Variants in LRMDA observed in about 807,000 individuals in gnomAD.
LRMDA encodes leucine rich melanocyte differentiation associated.
LRMDA carries 18 observed loss-of-function variants against 29.8 expected under a neutral mutation model. The observed-to-expected ratio is 0.60, with a 90% CI of 0.42 to 0.90. The LOEUF is 0.90. Among genes scored for constraint, LRMDA ranks in the 40% least tolerant of loss-of-function variants. The pLI is 0.00. For synonymous variants in LRMDA, 125 were observed against 109.4 expected (o/e 1.14, Z -0.89); for missense variants, 273 against 273.9 (o/e 1.00, Z 0.02).
chr10:76,011,836 G>T (rs1209365314), intron 2 of LRMDA, among the ~76,000 whole-genome samples: 2 of 152,170 alleles, frequency 1.3e-5, no homozygotes, highest in African/African-American at 4.8e-5. Context: ...TTTACTCTGA[G>T]GGGAGATGCA....
chr10:75,755,203 A>G (rs1843017358), intron 2 of LRMDA, among the ~76,000 whole-genome samples: 1 of 152,124 alleles, frequency 6.6e-6, no homozygotes, highest in South Asian at 2.1e-4. Context: ...ACATCACTTT[A>G]TTGTGCTCAT....
At chr10:75,580,321 A>G (rs535176053) in intron 2 of LRMDA, among the ~76,000 whole-genome samples, 4 of 152,322 alleles carry the variant, frequency 2.6e-5, no homozygotes, top group East Asian at 3.9e-4. Context: ...CCCATTCACA[A>G]CTGCTACAAA....
chr10:76,108,786 T>C (rs960531354), intron 5 of LRMDA, among the ~76,000 whole-genome samples: 5 of 152,292 alleles, frequency 3.3e-5, no homozygotes, highest in Middle Eastern at 6.8e-3. Flanking sequence ...AAGAAGACTT[T>C]CCTGACCAGC....
intron 2 of LRMDA, among the ~76,000 whole-genome samples, chr10:75,750,606 G>C (rs368700279): frequency 6.8e-6 from 1 of 147,532 alleles, no homozygotes; most frequent in Admixed American, 6.7e-5. Flanking sequence ...ACGGGATGGC[G>C]GCCGGGCAGA....
intron 2 of LRMDA, among the ~76,000 whole-genome samples, chr10:75,529,733 A>G (rs1219627055): frequency 6.6e-6 from 1 of 152,264 alleles, no homozygotes; most frequent in African/African-American, 2.4e-5. Flanking sequence ...CTGGGAAAAT[A>G]AAAAACGTGT....
At chr10:75,606,890 A>T (rs146091904) in intron 2 of LRMDA, among the ~76,000 whole-genome samples, 6 of 152,342 alleles carry the variant, frequency 3.9e-5, no homozygotes, top group African/African-American at 1.4e-4. Context: ...CTGCTAATGG[A>T]GGGAAAGGAT....
intron 5 of LRMDA, among the ~76,000 whole-genome samples, chr10:76,194,343 T>C (rs1284622861): frequency 2.0e-5 from 3 of 152,178 alleles, no homozygotes; most frequent in Non-Finnish European, 4.4e-5. Context: ...TAACACTTCT[T>C]TCCTGACATC....
At chr10:76,092,382 G>C (rs1367095478) in intron 5 of LRMDA, among the ~76,000 whole-genome samples, 2 of 152,168 alleles carry the variant, frequency 1.3e-5, no homozygotes, top group African/African-American at 4.8e-5. Context: ...CTGTTGGAGA[G>C]CCACCAAATG....
intron 5 of LRMDA, among the ~76,000 whole-genome samples, chr10:76,297,887 T>G (rs1840431301): frequency 1.3e-5 from 2 of 152,208 alleles, no homozygotes; most frequent in African/African-American, 4.8e-5. Flanking sequence ...CTGCAAATGT[T>G]TACTTATCCA....
chr10:76,104,851 C>A (rs1006762508), intron 5 of LRMDA, among the ~76,000 whole-genome samples: 1 of 152,044 alleles, frequency 6.6e-6, no homozygotes, highest in South Asian at 2.1e-4. Flanking sequence ...GTCTCATGTC[C>A]CTGCTGCCTT....
At chr10:76,413,170 C>A (rs1841980793) in intron 6 of LRMDA, among the ~76,000 whole-genome samples, 2 of 152,224 alleles carry the variant, frequency 1.3e-5, no homozygotes, top group African/African-American at 4.8e-5. Flanking sequence ...TCTTTGAGCC[C>A]TTTCTTTCTT....
At chr10:76,434,351 T>C (rs1052580169) in intron 6 of LRMDA, among the ~76,000 whole-genome samples, 12 of 152,006 alleles carry the variant, frequency 7.9e-5, no homozygotes, top group African/African-American at 2.9e-4. Context: ...TTAATTTTCT[T>C]CCTTTCTCTC....
At chr10:76,556,587 T>G (rs1843560691) in intron 6 of LRMDA, 1 of 152,424 alleles carries the variant, frequency 6.6e-6, no homozygotes, top group Admixed American at 6.5e-5. Context: ...TCTCCTGACC[T>G]TGTGATCCAC....
At chr10:76,097,848 A>G (rs1215115628) in intron 5 of LRMDA, among the ~76,000 whole-genome samples, 1 of 152,124 alleles carries the variant, frequency 6.6e-6, no homozygotes, top group South Asian at 2.1e-4. Flanking sequence ...TTTAATTTTA[A>G]ACTGATACTA....
intron 6 of LRMDA, among the ~76,000 whole-genome samples, chr10:76,442,659 T>G (rs1417234859): frequency 6.6e-6 from 1 of 152,158 alleles, no homozygotes; most frequent in Non-Finnish European, 1.5e-5. Flanking sequence ...ACCACTGCAC[T>G]GGGTGGAGTC....
At chr10:75,890,500 T>G (rs1009441475) in intron 2 of LRMDA, among the ~76,000 whole-genome samples, 1 of 147,080 alleles carries the variant, frequency 6.8e-6, no homozygotes, top group African/African-American at 2.4e-5. Flanking sequence ...TGGTGATATA[T>G]GAAGCCGATC....
intron 2 of LRMDA, among the ~76,000 whole-genome samples, chr10:75,492,787 C>T (rs1402519184): frequency 1.3e-5 from 2 of 152,172 alleles, no homozygotes; most frequent in Non-Finnish European, 2.9e-5. Flanking sequence ...ATTTTTGATA[C>T]AATGTGCATT....
chr10:76,252,643 G>A (rs1454559030), intron 5 of LRMDA, among the ~76,000 whole-genome samples: 1 of 152,180 alleles, frequency 6.6e-6, no homozygotes, highest in Non-Finnish European at 1.5e-5. Context: ...ATAGGATTTG[G>A]CAATTCTAGT....
chr10:75,922,987 C>T (rs892031295), intron 2 of LRMDA, among the ~76,000 whole-genome samples: 2 of 152,136 alleles, frequency 1.3e-5, no homozygotes, highest in Admixed American at 6.6e-5. Flanking sequence ...TAAAGTCACT[C>T]TAAGGGATAC....
Sources: gnomAD v4.1 joint callset for allele counts (sites outside exome capture counted in the v4.1 genomes callset) on GRCh38, gnomAD v4.1.1 for gene constraint, MANE v1.5 for transcripts, NCBI Gene and HGNC (gene_info 2026-07-23, HGNC 2026-07-21) for gene names.